JADE1: variants seen among roughly 807,000 people sequenced by gnomAD.
The protein encoded by JADE1 is jade family PHD finger 1.
A neutral mutation model predicts 81.8 loss-of-function variants in JADE1; 14 were observed. That is an observed-to-expected ratio of 0.17 (90% CI 0.11 to 0.27). The LOEUF is 0.27. Ranked by LOEUF, JADE1 falls within the 10% of genes least tolerant of loss-of-function variation. The probability of loss-of-function intolerance (pLI) is 1.00; values close to 1 mark genes in which losing one functional copy is unlikely to be tolerated. For missense variants in JADE1, 690 were observed against 1,047.9 expected, an observed-to-expected ratio of 0.66 and a Z score of 4.71; for synonymous variants, 353 against 391.9, an observed-to-expected ratio of 0.90 and a Z score of 1.17.
chr4:128,860,758 AG>A (rs1731252588), intron 8 of JADE1, among the ~76,000 whole-genome samples: 1 of 152,162 alleles, frequency 6.6e-6, no homozygotes, highest in Non-Finnish European at 1.5e-5. Flanking sequence ...AGGCAGTGAG[AG>A]GGGAAGTGTT....
At chr4:128,821,708 A>G (rs2125804183) in intron 1 of JADE1, among the ~76,000 whole-genome samples, 1 of 151,994 alleles carries the variant, frequency 6.6e-6, no homozygotes, top group East Asian at 1.9e-4. Flanking sequence ...TTTAGTAGAG[A>G]CTGGGTTTCG....
At chr4:128,832,567 G>C (rs1312559839) in intron 2 of JADE1, among the ~76,000 whole-genome samples, 2 of 152,212 alleles carry the variant, frequency 1.3e-5, no homozygotes, top group Non-Finnish European at 2.9e-5. Context: ...AAGGAGCTGG[G>C]CCTGCTTTCA....
Position 128,867,881 on chromosome 4 carries a change from C to T in JADE1, c.1529C>T (p.Thr510Ile), listed in dbSNP as rs1282857175. Residue 510 changes from threonine to isoleucine, a missense_variant, in exon 10 of 11, where the codon ACC (threonine) becomes ATC (isoleucine). Around this residue, in one of 8 missense-constraint regions of JADE1, gnomAD observed 63 missense variants for 138.4 expected, o/e 0.46. Transcript: ENST00000226319. ...GTTCGGAACCTCACTTACATGGTGA[C>T]CCGCAGGGAAAAGATTAAACGGTCT... ...ERVRNLTYMV[T>I]RREKIKRSVC... is the part of the protein sequence containing the mutation. 1.2e-6 allele frequency: 2 copies of T among 1,613,208 alleles called. No homozygotes were observed. The highest frequency in any genetic ancestry group is 1.7e-6 in the Non-Finnish European group (2 of 1,179,282).
In JADE1 at chr4:128,869,313, G is replaced by A. The variant is rs144370098; in HGVS notation, c.1621+1340G>A. 4.0e-4 allele frequency among the ~76,000 whole-genome samples: 61 copies of A among 152,212 alleles called. 1 individual carries two copies. Among genetic ancestry groups the A allele is most frequent in the Non-Finnish European group, 6.6e-4 (45 of 68,004 alleles). On this transcript the variant is annotated intron_variant, in intron 10 of 10. Coordinates refer to ENST00000226319, the MANE Select transcript of JADE1 (RefSeq NM_199320.4). The stretch of plus-strand genomic sequence containing the variant: ...AGGGTGTCATATGTAAAAGTAGGTC[G>A]ATTCAGATTCCCTAAGGTGAGCTCT...
chr4:128,850,155 G>T (rs373199653), intron 5 of JADE1, among the ~76,000 whole-genome samples: 1 of 151,574 alleles, frequency 6.6e-6, no homozygotes, highest in Non-Finnish European at 1.5e-5. Context: ...TTAGCTAGGC[G>T]TCGTGGTGGG....
chr4:128,810,096 C>G (rs1331317045), intron 1 of JADE1: 2 of 152,920 alleles, frequency 1.3e-5, no homozygotes, highest in Non-Finnish European at 2.9e-5. Flanking sequence ...AAGGTCGCTG[C>G]CTAGTGGAAA....
chr4:128,830,841 C>T (rs1728490979), intron 1 of JADE1, among the ~76,000 whole-genome samples: 1 of 152,246 alleles, frequency 6.6e-6, no homozygotes, highest in Non-Finnish European at 1.5e-5. Context: ...TCTCAGTTCA[C>T]TGCCTTCTTA....
intron 4 of JADE1, among the ~76,000 whole-genome samples, chr4:128,847,631 C>T (rs114643397): frequency 0.022 from 3,409 of 152,316 alleles, 111 homozygotes; most frequent in African/African-American, 0.074. Flanking sequence ...GAATCACTTG[C>T]TGAATGCTTC....
At chr4:128,853,088 G>A (rs1412077242) in intron 6 of JADE1, among the ~76,000 whole-genome samples, 2 of 152,108 alleles carry the variant, frequency 1.3e-5, no homozygotes, top group African/African-American at 4.8e-5. Flanking sequence ...ATGTTGGCCA[G>A]GCTGGTCTCG....
chr4:128,859,708 A>G (rs1016839293), intron 8 of JADE1, among the ~76,000 whole-genome samples: 1 of 152,224 alleles, frequency 6.6e-6, no homozygotes, highest in Admixed American at 6.5e-5. Flanking sequence ...TGAGTATGCC[A>G]ATCTGGTCCA....
chr4:128,864,065 C>T, intron 9 of JADE1: 3 of 985,162 alleles, frequency 3.0e-6, no homozygotes, highest in Non-Finnish European at 3.6e-6. Context: ...GGGAATAAAT[C>T]AGGATTTGTG....
At chr4:128,824,586 A>T (rs1275160918) in intron 1 of JADE1, among the ~76,000 whole-genome samples, 2 of 152,240 alleles carry the variant, frequency 1.3e-5, no homozygotes, top group African/African-American at 4.8e-5. Context: ...AGGAGAAGTT[A>T]TTCCAGTTAA....
chr4:128,834,072 G>A (rs1238747581), intron 2 of JADE1, among the ~76,000 whole-genome samples: 1 of 152,216 alleles, frequency 6.6e-6, no homozygotes, highest in Non-Finnish European at 1.5e-5. Flanking sequence ...GGACAGTGTA[G>A]TTCTGGACCT....
intron 1 of JADE1, among the ~76,000 whole-genome samples, chr4:128,818,791 C>G (rs2125796540): frequency 1.3e-5 from 2 of 152,284 alleles, no homozygotes; most frequent in South Asian, 4.1e-4. Context: ...TCAACCATTT[C>G]AATATGTGAA....
intron 8 of JADE1, among the ~76,000 whole-genome samples, chr4:128,859,580 T>C (rs911385124): frequency 5.3e-5 from 8 of 152,104 alleles, no homozygotes; most frequent in Non-Finnish European, 1.0e-4. Context: ...TGCGTGTATG[T>C]GTGAGTGTGC....
intron 5 of JADE1, among the ~76,000 whole-genome samples, chr4:128,849,821 A>T (rs1730195812): frequency 6.6e-6 from 1 of 152,114 alleles, no homozygotes; most frequent in African/African-American, 2.4e-5. Context: ...TATAGGTCTC[A>T]TCTCACATGC....
chr4:128,813,390 T>G (rs1029982891), intron 1 of JADE1, among the ~76,000 whole-genome samples: 1 of 149,998 alleles, frequency 6.7e-6, no homozygotes, highest in Non-Finnish European at 1.5e-5. Flanking sequence ...GATCTTAGTC[T>G]CATTTACTTA....
intron 1 of JADE1, among the ~76,000 whole-genome samples, chr4:128,815,866 C>T (rs1726982584): frequency 1.3e-5 from 2 of 152,160 alleles, no homozygotes; most frequent in African/African-American, 4.8e-5. Flanking sequence ...GGAAATATGA[C>T]ATATTAGCGA....
intron 1 of JADE1, among the ~76,000 whole-genome samples, chr4:128,827,102 C>T (rs1728147027): frequency 6.6e-6 from 1 of 152,146 alleles, no homozygotes; most frequent in Non-Finnish European, 1.5e-5. Context: ...GCCCCACCCT[C>T]CTCCTTGGTT....
Sources: allele counts gnomAD v4.1 joint callset (sites outside exome capture counted in the v4.1 genomes callset), GRCh38; gene constraint gnomAD v4.1.1; regional missense constraint gnomAD v4.1.1; transcripts MANE v1.5; gene names NCBI Gene and HGNC (gene_info 2026-07-23, HGNC 2026-07-21).